The following DOK6 variants were observed in gnomAD, a reference collection of about 807,000 sequenced individuals.
DOK6 encodes downstream of tyrosine kinase 6.
A neutral mutation model predicts 44.0 loss-of-function variants in DOK6; 22 were observed. That is an observed-to-expected ratio of 0.50 (90% confidence interval 0.36 to 0.71). DOK6 has a LOEUF of 0.71. Among genes scored for constraint, DOK6 ranks in the 30% least tolerant of loss-of-function variants. DOK6 has a pLI of 0.00. For synonymous variants in DOK6, 166 were observed against 145.5 expected, an observed-to-expected ratio of 1.14 and a Z score of -1.01; for missense variants, 340 against 416.4, an observed-to-expected ratio of 0.82 and a Z score of 1.60.
intron 1 of DOK6, among the ~76,000 whole-genome samples, chr18:69,487,050 G>A (rs1419595703): frequency 6.6e-6 from 1 of 152,048 alleles, no homozygotes; most frequent in African/African-American, 2.4e-5. Context: ...TCCTGTCAGG[G>A]CCTGTTGGGA....
Position 69,603,956 on chromosome 18 carries a change from A to T in DOK6, c.289+4458A>T, listed in dbSNP as rs1983937972. 2.0e-5 allele frequency among the ~76,000 whole-genome samples: 3 copies of T among 152,128 alleles called. No homozygotes were observed. The South Asian group carries it at 6.2e-4, about 31-fold the overall frequency. On this transcript the variant is annotated intron_variant, in intron 3 of 7. Transcript: ENST00000382713. Reference sequence around the variant, plus strand: ...AACATTTATAAAGAAATAGGATCATAATTTTATTTTAACTAGGATAATTTC... The same window carrying T: ...AACATTTATAAAGAAATAGGATCATTATTTTATTTTAACTAGGATAATTTC...
intron 1 of DOK6, among the ~76,000 whole-genome samples, chr18:69,448,868 A>C (rs1020567809): frequency 6.6e-6 from 1 of 152,194 alleles, no homozygotes; most frequent in Non-Finnish European, 1.5e-5. Flanking sequence ...GCAATTTTCT[A>C]TTTCAGATGT....
rs1442676 is a variant in DOK6, at chr18:69,521,689, T to C, written c.67-42798T>C. Among the ~76,000 whole-genome samples, 1,091 of 152,030 alleles carry C rather than the reference T, an allele frequency of 7.2e-3. 8 individuals carry two copies. The highest frequency in any genetic ancestry group is 0.025 in the African/African-American group (1,040 of 41,512). ...AGAATATCTGTCCATTATTTGCACA[T>C]AGAATCATTTCTAATGAGTACAAAG... On this transcript the variant is annotated intron_variant, in intron 1 of 7. Coordinates refer to ENST00000382713, the MANE Select transcript of DOK6 (RefSeq NM_152721.6).
intron 1 of DOK6, among the ~76,000 whole-genome samples, chr18:69,554,599 T>C (rs1250247139): frequency 2.0e-5 from 3 of 152,206 alleles, no homozygotes; most frequent in African/African-American, 7.2e-5. Context: ...AATAATGCTA[T>C]AATGGCCATT....
intron 7 of DOK6, among the ~76,000 whole-genome samples, chr18:69,777,032 A>G (rs1980092803): frequency 6.6e-6 from 1 of 150,912 alleles, no homozygotes; most frequent in Non-Finnish European, 1.5e-5. Context: ...TAGGAGGTAT[A>G]CCTAATGCTA....
At chr18:69,611,274 ATGAC>A (rs530467085) in intron 3 of DOK6, among the ~76,000 whole-genome samples, 120 of 152,304 alleles carry the variant, frequency 7.9e-4, no homozygotes, top group African/African-American at 2.8e-3. Context: ...ACCTGTCAGC[ATGAC>A]TGACAGTTTT....
intron 7 of DOK6, among the ~76,000 whole-genome samples, chr18:69,807,007 G>A (rs536032542): frequency 1.3e-5 from 2 of 151,848 alleles, no homozygotes; most frequent in African/African-American, 4.8e-5. Context: ...TAGTTTTATT[G>A]TCAGTTTATT....
chr18:69,434,981 A>AAGG (rs1978918345), intron 1 of DOK6, among the ~76,000 whole-genome samples: 1 of 140,630 alleles, frequency 7.1e-6, no homozygotes. Flanking sequence ...GGAAGGAAGG[A>AAGG]AAGAAGGAAG....
intron 1 of DOK6, among the ~76,000 whole-genome samples, chr18:69,444,960 C>T (rs976961225): frequency 1.3e-5 from 2 of 151,940 alleles, no homozygotes; most frequent in Non-Finnish European, 2.9e-5. Flanking sequence ...GTCTTTAAGT[C>T]GATGAACATA....
At chr18:69,681,864 AG>A (rs912718181) in intron 4 of DOK6, among the ~76,000 whole-genome samples, 1 of 152,212 alleles carries the variant, frequency 6.6e-6, no homozygotes, top group African/African-American at 2.4e-5. Context: ...CTGCAAATGC[AG>A]TTGGAAATGG....
chr18:69,667,328 C>G (rs1985685201), intron 3 of DOK6, among the ~76,000 whole-genome samples: 1 of 152,150 alleles, frequency 6.6e-6, no homozygotes, highest in African/African-American at 2.4e-5. Flanking sequence ...TAAATAACTT[C>G]TAGATTGAGT....
intron 7 of DOK6, among the ~76,000 whole-genome samples, chr18:69,838,631 C>T (rs1380933406): frequency 6.6e-6 from 1 of 152,078 alleles, no homozygotes; most frequent in Admixed American, 6.5e-5. Flanking sequence ...GATAGGGAAA[C>T]AAACCCAGAG....
chr18:69,686,452 TA>T (rs1173680984), intron 4 of DOK6, among the ~76,000 whole-genome samples: 3 of 152,184 alleles, frequency 2.0e-5, no homozygotes, highest in African/African-American at 7.2e-5. Flanking sequence ...TTCACTTTAA[TA>T]TATTCTATAA....
intron 5 of DOK6, among the ~76,000 whole-genome samples, chr18:69,709,013 T>A (rs1263769556): frequency 6.6e-6 from 1 of 152,124 alleles, no homozygotes; most frequent in Admixed American, 6.5e-5. Flanking sequence ...AGGAGAGTGA[T>A]TGCAAACAGT....
intron 3 of DOK6, among the ~76,000 whole-genome samples, chr18:69,648,031 A>C (rs1426524455): frequency 6.6e-6 from 1 of 152,184 alleles, no homozygotes; most frequent in Non-Finnish European, 1.5e-5. Flanking sequence ...CCTATCAAAT[A>C]CTTGTTTAGC....
intron 3 of DOK6, among the ~76,000 whole-genome samples, chr18:69,630,723 G>C (rs757798931): frequency 6.6e-6 from 1 of 152,158 alleles, no homozygotes. Flanking sequence ...GGATTTATTT[G>C]TTCTTTGTTG....
chr18:69,524,669 G>T (rs920650386), intron 1 of DOK6, among the ~76,000 whole-genome samples: 11 of 151,828 alleles, frequency 7.2e-5, no homozygotes, highest in Admixed American at 5.3e-4. Context: ...ATGTTCATTT[G>T]AAATAGAAAT....
chr18:69,702,134 GTT>G (rs34123199), intron 5 of DOK6, among the ~76,000 whole-genome samples: 170 of 126,346 alleles, frequency 1.3e-3, no homozygotes, highest in African/African-American at 4.4e-3. Flanking sequence ...TTCTGGGTTG[GTT>G]TTTTTTTTTT....
At chr18:69,551,336 A>G (rs1332761631) in intron 1 of DOK6, among the ~76,000 whole-genome samples, 1 of 152,222 alleles carries the variant, frequency 6.6e-6, no homozygotes, top group East Asian at 1.9e-4. Context: ...TTTTTGTATT[A>G]GAATTCCACA....
Sources: gnomAD v4.1 joint callset for allele counts (sites outside exome capture counted in the v4.1 genomes callset) on GRCh38, gnomAD v4.1.1 for gene constraint, MANE v1.5 for transcripts, NCBI Gene and HGNC (gene_info 2026-07-23, HGNC 2026-07-21) for gene names.